Variants in PPP6R3 observed in about 807,000 individuals in gnomAD.
PPP6R3 encodes the protein serine/threonine-protein phosphatase 6 regulatory subunit 3.
PPP6R3 carries 38 observed loss-of-function variants against 110.7 expected under a neutral mutation model. The ratio of observed to expected loss-of-function variants is 0.34; its 90% CI spans 0.26 to 0.45. The LOEUF (loss-of-function observed/expected upper bound fraction) is 0.45, where lower values mean the gene tolerates loss of function less well. PPP6R3 is among the 20% of genes least tolerant of loss of function. The pLI, the probability that PPP6R3 is intolerant of heterozygous loss-of-function variation, is 1.00. For synonymous variants in PPP6R3, 369 were observed against 373.5 expected, an observed-to-expected ratio of 0.99 and a Z score of 0.14; for missense variants, 870 against 1,062.4, an observed-to-expected ratio of 0.82 and a Z score of 2.52.
intron 2 of PPP6R3, among the ~76,000 whole-genome samples, chr11:68,524,529 T>A (rs948546914): frequency 6.6e-6 from 1 of 152,208 alleles, no homozygotes; most frequent in African/African-American, 2.4e-5. Context: ...CTTTGCTTAT[T>A]AGTTACATCG....
chr11:68,525,509 A>G (rs961284714), intron 2 of PPP6R3, among the ~76,000 whole-genome samples: 1 of 152,244 alleles, frequency 6.6e-6, no homozygotes, highest in African/African-American at 2.4e-5. Context: ...TACAAAAGAA[A>G]GAACTTCCTG....
At chr11:68,528,422 ATT>A (rs959315568) in intron 2 of PPP6R3, among the ~76,000 whole-genome samples, 3 of 54,078 alleles carry the variant, frequency 5.5e-5, no homozygotes, top group African/African-American at 2.1e-4. Context: ...ATTTGATTTA[ATT>A]TGTGTGTGTG....
chr11:68,559,410 G>A (rs866645606), intron 8 of PPP6R3, among the ~76,000 whole-genome samples: 1 of 152,174 alleles, frequency 6.6e-6, no homozygotes, highest in African/African-American at 2.4e-5. Flanking sequence ...AGTTTTCCGG[G>A]ATTGTGTGAT....
intron 8 of PPP6R3, among the ~76,000 whole-genome samples, chr11:68,560,578 A>G (rs2099415207): frequency 6.6e-6 from 1 of 152,214 alleles, no homozygotes; most frequent in Non-Finnish European, 1.5e-5. Flanking sequence ...ACCTTTAACA[A>G]AGAAAACTCC....
At chr11:68,486,019 GAA>G (rs57775252) in intron 1 of PPP6R3, among the ~76,000 whole-genome samples, 16 of 123,750 alleles carry the variant, frequency 1.3e-4, no homozygotes, top group East Asian at 4.8e-4. Context: ...AAAAATACAA[GAA>G]AAAAAAAAAA....
At chr11:68,556,471 A>G (rs1267110103) in intron 7 of PPP6R3, among the ~76,000 whole-genome samples, 1 of 151,662 alleles carries the variant, frequency 6.6e-6, no homozygotes, top group Non-Finnish European at 1.5e-5. Context: ...TAATGACCTT[A>G]TAACAAGTTG....
chr11:68,543,482 C>A (rs2099329843), intron 3 of PPP6R3, among the ~76,000 whole-genome samples: 1 of 151,954 alleles, frequency 6.6e-6, no homozygotes, highest in South Asian at 2.1e-4. Context: ...GTCTTTAGGC[C>A]TCACACCAGA....
At chr11:68,539,495 A>G (rs1261718984) in intron 3 of PPP6R3, among the ~76,000 whole-genome samples, 1 of 152,176 alleles carries the variant, frequency 6.6e-6, no homozygotes, top group Non-Finnish European at 1.5e-5. Flanking sequence ...AGCCTTCTGC[A>G]TGGTACCATT....
chr11:68,558,722 G>A (rs888307369), intron 8 of PPP6R3, 43 bp downstream of exon 8: 2 of 1,457,072 alleles, frequency 1.4e-6, no homozygotes, highest in Admixed American at 1.8e-5. Context: ...ATGTTGTTTT[G>A]CTTTCAGATT....
intron 7 of PPP6R3, among the ~76,000 whole-genome samples, chr11:68,557,414 C>T (rs2099403729): frequency 6.6e-6 from 1 of 152,248 alleles, no homozygotes; most frequent in Admixed American, 6.5e-5. Flanking sequence ...ACACTGAACA[C>T]AGCTATACCT....
chr11:68,572,238 C>T (rs982778463), intron 12 of PPP6R3, among the ~76,000 whole-genome samples: 3 of 152,128 alleles, frequency 2.0e-5, no homozygotes, highest in African/African-American at 7.2e-5. Context: ...CCTTCCCAAC[C>T]TCCAGTCTTC....
intron 3 of PPP6R3, among the ~76,000 whole-genome samples, chr11:68,538,764 CCATTAA>C (rs1478454940): frequency 2.6e-5 from 4 of 152,208 alleles, no homozygotes; most frequent in East Asian, 3.8e-4. Flanking sequence ...TCTCTGCCAA[CCATTAA>C]CATTGACACT....
At chr11:68,601,497 T>G (rs181081800) in intron 20 of PPP6R3, among the ~76,000 whole-genome samples, 9 of 152,346 alleles carry the variant, frequency 5.9e-5, no homozygotes, top group Admixed American at 5.9e-4. Context: ...GTAAAACCAG[T>G]CAACCTGATA....
intron 1 of PPP6R3, among the ~76,000 whole-genome samples, chr11:68,462,686 A>G (rs1213252453): frequency 6.6e-6 from 1 of 152,182 alleles, no homozygotes; most frequent in Non-Finnish European, 1.5e-5. Flanking sequence ...GGGAGTCTAG[A>G]ACATTGAACA....
intron 22 of PPP6R3, 31 bp from the exon 23 acceptor site, chr11:68,609,873 T>A (rs751402870): frequency 6.2e-7 from 1 of 1,613,250 alleles, no homozygotes; most frequent in South Asian, 1.1e-5. Context: ...CCCTAGGGTG[T>A]TTGATGTGCC....
chr11:68,571,221 C>A, intron 12 of PPP6R3, 117 bp downstream of exon 12: 1 of 1,294,284 alleles, frequency 7.7e-7, no homozygotes, highest in Non-Finnish European at 1.0e-6. Flanking sequence ...GGCCATTTTA[C>A]AATTTAAACT....
chr11:68,529,549 A>C (rs2099224495), intron 2 of PPP6R3, among the ~76,000 whole-genome samples: 1 of 152,144 alleles, frequency 6.6e-6, no homozygotes, highest in African/African-American at 2.4e-5. Flanking sequence ...TGGCTCCTTA[A>C]GTCTAAACCA....
chr11:68,606,709 T>A (rs1312578589), intron 22 of PPP6R3, among the ~76,000 whole-genome samples: 1 of 152,198 alleles, frequency 6.6e-6, no homozygotes, highest in East Asian at 1.9e-4. Context: ...TGCATTCACT[T>A]TAAGATGAAG....
intron 1 of PPP6R3, among the ~76,000 whole-genome samples, chr11:68,488,248 G>T (rs1371316606): frequency 7.3e-5 from 11 of 151,506 alleles, no homozygotes. Context: ...TTTTAAACAG[G>T]GACTTGCTCT....
Sources: gnomAD v4.1 joint callset for allele counts (sites outside exome capture counted in the v4.1 genomes callset) on GRCh38, gnomAD v4.1.1 for gene constraint, MANE v1.5 for transcripts, NCBI Gene and HGNC (gene_info 2026-07-23, HGNC 2026-07-21) for gene names.